Variants in VPS13B observed in about 807,000 individuals in gnomAD.
VPS13B encodes the protein intermembrane lipid transfer protein VPS13B.
Under a neutral mutation model 426.4 loss-of-function variants are expected in VPS13B, and 285 were observed. The ratio of observed to expected loss-of-function variants is 0.67; its 90% CI spans 0.61 to 0.74. The LOEUF is 0.74. Among genes scored for constraint, VPS13B ranks in the 30% least tolerant of loss-of-function variants. The pLI is 0.00. For missense variants in VPS13B, 4,537 were observed against 4,782.6 expected (o/e 0.95, Z 1.51); for synonymous variants, 1,676 against 1,676.4 (o/e 1.00, Z 0.01).
intron 8 of VPS13B, among the ~76,000 whole-genome samples, chr8:99,123,769 G>C (rs557825333): frequency 6.1e-4 from 93 of 152,156 alleles, no homozygotes; most frequent in Non-Finnish European, 6.6e-4. Context: ...AAAAAAAGAT[G>C]ATCCAAGGAT....
At chr8:99,384,444 T>C (rs1207300705) in intron 20 of VPS13B, 127 bp downstream of exon 20, 1 of 767,212 alleles carries the variant, frequency 1.3e-6, no homozygotes, top group Admixed American at 2.3e-5. Context: ...CTCCCCACCT[T>C]ACCCCTTTCA....
rs905918713 is a variant in VPS13B at position 99,641,949 on chromosome 8, A to G, written c.5359A>G (p.Ser1787Gly). The G allele has an allele frequency of 1.2e-6, 2 of 1,614,170 alleles. No homozygotes were observed. Among genetic ancestry groups the G allele is most frequent in the Non-Finnish European group, 1.7e-6 (2 of 1,180,032 alleles). ...KIRIVQIEQH[S>G]GASQHRIARP... The stretch of plus-strand genomic sequence containing the variant: ...CAGAATAGTGCAAATAGAGCAGCAC[A>G]GTGGTGCCAGTCAGCATCGCATTGC... The change falls in exon 34 of 62, where the codon AGT becomes GGT. Residue 1787 changes from serine to glycine, a missense_variant. Ser to Gly is a moderately conservative substitution (Grantham distance 56). Coordinates refer to ENST00000357162, the MANE Select transcript of VPS13B (RefSeq NM_152564.5).
chr8:99,841,070 T>G (rs1472926675), intron 54 of VPS13B, among the ~76,000 whole-genome samples: 5 of 152,182 alleles, frequency 3.3e-5, no homozygotes, highest in African/African-American at 1.2e-4. Context: ...CCAAAGATAC[T>G]CAGGAGTAGT....
At chr8:99,063,353 G>T (rs1563515614) in intron 3 of VPS13B, among the ~76,000 whole-genome samples, 1 of 152,304 alleles carries the variant, frequency 6.6e-6, no homozygotes, top group East Asian at 1.9e-4. Flanking sequence ...TGGAAAAACA[G>T]GACACTCCTG....
chr8:99,862,619 A>G (rs1335004979), intron 58 of VPS13B, among the ~76,000 whole-genome samples: 2 of 152,258 alleles, frequency 1.3e-5, no homozygotes, highest in African/African-American at 2.4e-5. Flanking sequence ...TTGCAAAAGA[A>G]TTTAAAACTG....
chr8:99,337,973 G>A (rs1448391379), intron 19 of VPS13B, among the ~76,000 whole-genome samples: 2 of 151,918 alleles, frequency 1.3e-5, no homozygotes, highest in African/African-American at 2.4e-5. Flanking sequence ...TCCCCATTCA[G>A]TGCCCTGGCA....
At chr8:99,742,359 G>A (rs1393422798) in intron 39 of VPS13B, among the ~76,000 whole-genome samples, 30 of 152,166 alleles carry the variant, frequency 2.0e-4, no homozygotes, top group Non-Finnish European at 2.2e-4. Flanking sequence ...AAAGAGTCCA[G>A]GACCAGATGG....
chr8:99,134,854 A>C, intron 9 of VPS13B, 127 bp downstream of exon 9: 2 of 1,160,842 alleles, frequency 1.7e-6, no homozygotes, highest in Non-Finnish European at 2.5e-6. Flanking sequence ...ATTTTAATAG[A>C]GTTTACTATC....
intron 20 of VPS13B, among the ~76,000 whole-genome samples, chr8:99,386,237 T>C (rs1814115221): frequency 6.6e-6 from 1 of 152,216 alleles, no homozygotes; most frequent in Admixed American, 6.5e-5. Flanking sequence ...AGACATTCAT[T>C]TAATTGATAC....
At chr8:99,661,260 C>T in intron 34 of VPS13B, 94 bp from the exon 35 acceptor site, 2 of 1,486,822 alleles carry the variant, frequency 1.3e-6, no homozygotes, top group South Asian at 2.3e-5. Flanking sequence ...GTTATTTAAC[C>T]AGTTTTTCTC....
At chr8:99,501,594 C>A in intron 25 of VPS13B, 93 bp from the exon 26 acceptor site, 1 of 1,322,966 alleles carries the variant, frequency 7.6e-7, no homozygotes, top group South Asian at 1.3e-5. Context: ...GAAAAAGTTA[C>A]AAATAATAAT....
chr8:99,016,586 CTTTTTTTTTTTT>C (rs754060289), intron 2 of VPS13B, among the ~76,000 whole-genome samples: 2 of 60,730 alleles, frequency 3.3e-5, no homozygotes, highest in Non-Finnish European at 6.0e-5. Flanking sequence ...TATAGGAATT[CTTTTTTTTTTTT>C]TTTTTTTTTT....
At chr8:99,526,723 C>T (rs1445825939) in intron 30 of VPS13B, among the ~76,000 whole-genome samples, 1 of 152,068 alleles carries the variant, frequency 6.6e-6, no homozygotes, top group East Asian at 1.9e-4. Flanking sequence ...TTAATGAGCT[C>T]CCCATTTCTG....
At chr8:99,186,960 C>T (rs1813251778) in intron 16 of VPS13B, among the ~76,000 whole-genome samples, 1 of 152,024 alleles carries the variant, frequency 6.6e-6, no homozygotes, top group South Asian at 2.1e-4. Context: ...TGAAAGGGTA[C>T]CATATACGGT....
chr8:99,710,486 A>G (rs568627081), intron 36 of VPS13B, among the ~76,000 whole-genome samples: 9 of 152,224 alleles, frequency 5.9e-5, no homozygotes, highest in South Asian at 2.1e-4. Context: ...AAAATAAGGA[A>G]GATATTTAGT....
chr8:99,522,864 G>T (rs891379105), intron 30 of VPS13B, among the ~76,000 whole-genome samples: 13 of 152,062 alleles, frequency 8.5e-5, no homozygotes, highest in Admixed American at 1.3e-4. Context: ...CTGTATCATC[G>T]ATATCAAAGG....
chr8:99,606,622 T>G (rs1827595396), intron 33 of VPS13B, among the ~76,000 whole-genome samples: 1 of 147,948 alleles, frequency 6.8e-6, no homozygotes, highest in South Asian at 2.1e-4. Context: ...CTTTTTCTTT[T>G]TCTTTTCTTT....
At position 99,067,975 on chromosome 8, in the gene VPS13B, A is replaced by G. The variant is rs1012184294; in HGVS notation, c.292-28337A>G. ...CCCATGACACTTTTAGATATTTATC[A>G]TGTTGGCTAGATTTCGCCTTTTACT... On this transcript the variant is annotated intron_variant, in intron 3 of 61. Transcript: ENST00000357162. Among the ~76,000 whole-genome samples the G allele has an allele frequency of 2.6e-5, 4 of 152,278 alleles. No individual in the cohort carries two copies. The South Asian group carries it at 6.2e-4, about 24-fold the overall frequency.
At chr8:99,209,686 C>A in intron 17 of VPS13B, 1 of 976,832 alleles carries the variant, frequency 1.0e-6, no homozygotes, top group Non-Finnish European at 1.2e-6. Flanking sequence ...GGATTGGAGG[C>A]CCAAGCCACT....
Sources: gnomAD v4.1 joint callset for allele counts (sites outside exome capture counted in the v4.1 genomes callset) on GRCh38, gnomAD v4.1.1 for gene constraint, MANE v1.5 for transcripts, NCBI Gene and HGNC (gene_info 2026-07-23, HGNC 2026-07-21) for gene names.